Variants in CDH4 observed in about 807,000 individuals in gnomAD.
CDH4 encodes the protein cadherin 4, also known as cadherin-4.
Under a neutral mutation model 86.0 loss-of-function variants are expected in CDH4, and 33 were observed. That is an observed-to-expected ratio of 0.38 (90% confidence interval 0.29 to 0.51). The LOEUF is 0.51. Ranked by LOEUF, CDH4 falls within the 20% of genes least tolerant of loss-of-function variation. CDH4 has a pLI of 0.86. For missense variants in CDH4, 1,114 were observed against 1,307.4 expected, an observed-to-expected ratio of 0.85 and a Z score of 2.28; for synonymous variants, 555 against 549.4, an observed-to-expected ratio of 1.01 and a Z score of -0.14.
chr20:61,888,672 G>C (rs1000116168), intron 7 of CDH4, among the ~76,000 whole-genome samples: 1 of 152,242 alleles, frequency 6.6e-6, no homozygotes, highest in Non-Finnish European at 1.5e-5. Context: ...CAGCTCTGCT[G>C]TTTCCATGAT....
At chr20:61,882,505 C>T (rs947696242) in intron 7 of CDH4, among the ~76,000 whole-genome samples, 9 of 152,174 alleles carry the variant, frequency 5.9e-5, no homozygotes, top group African/African-American at 9.7e-5. Flanking sequence ...CCTCTGGTCA[C>T]GGGGCCTGCT....
At chr20:61,745,398 G>A (rs543139377) in intron 3 of CDH4, among the ~76,000 whole-genome samples, 10 of 152,254 alleles carry the variant, frequency 6.6e-5, no homozygotes, top group South Asian at 6.2e-4. Flanking sequence ...AGATGGAAGC[G>A]GAGATGGAAG....
chr20:61,457,067 A>AT (rs1413441568), intron 2 of CDH4, among the ~76,000 whole-genome samples: 1 of 152,180 alleles, frequency 6.6e-6, no homozygotes, highest in Non-Finnish European at 1.5e-5. Flanking sequence ...AAGAGAGCAA[A>AT]CCTGTGTTTA....
intron 2 of CDH4, among the ~76,000 whole-genome samples, chr20:61,394,418 G>A (rs2085004056): frequency 6.6e-6 from 1 of 152,184 alleles, no homozygotes; most frequent in African/African-American, 2.4e-5. Context: ...AAGAAAGTCG[G>A]TTGTTCCCAT....
intron 2 of CDH4, among the ~76,000 whole-genome samples, chr20:61,726,718 A>G (rs1600918359): frequency 6.6e-6 from 1 of 151,964 alleles, no homozygotes; most frequent in East Asian, 1.9e-4. Context: ...CATCATCACC[A>G]TCGCTGCCAT....
intron 4 of CDH4, among the ~76,000 whole-genome samples, chr20:61,838,836 A>AG (rs1568842686): frequency 8.3e-6 from 1 of 121,030 alleles, no homozygotes; most frequent in Non-Finnish European, 1.6e-5. Context: ...AAAAAAAAAA[A>AG]AAGAAAGAAA....
At chr20:61,738,151 G>A (rs531067830) in intron 2 of CDH4, 2 of 152,296 alleles carry the variant, frequency 1.3e-5, no homozygotes, top group African/African-American at 4.8e-5. Context: ...CTGGCTTTGG[G>A]GTCTGCAGCA....
chr20:61,636,339 G>A lies in CDH4; in HGVS notation c.170-107224G>A, dbSNP rs139759613. Among the ~76,000 whole-genome samples the A allele has an allele frequency of 4.6e-3, 703 of 152,344 alleles. 5 individuals are homozygous for A. The highest frequency in any genetic ancestry group is 0.016 in the African/African-American group (668 of 41,574). On this transcript the variant is annotated intron_variant, in intron 2 of 15. Transcript: ENST00000614565. The stretch of plus-strand genomic sequence containing the variant: ...AGAAAGTGGCTCCTATTTAATCTGG[G>A]AGAGTTTGGCTCCAATCATTAAAAA...
chr20:61,285,025 C>G (rs935175073), intron 2 of CDH4, among the ~76,000 whole-genome samples: 1 of 152,146 alleles, frequency 6.6e-6, no homozygotes, highest in Non-Finnish European at 1.5e-5. Flanking sequence ...TGCTGCTTCT[C>G]TACTTTATGC....
intron 6 of CDH4, among the ~76,000 whole-genome samples, chr20:61,865,193 C>A (rs977084809): frequency 1.3e-5 from 2 of 152,150 alleles, no homozygotes; most frequent in Non-Finnish European, 2.9e-5. Context: ...AGTGAGCTGA[C>A]TTCCTGGCTA....
At chr20:61,685,230 G>A (rs1293513769) in intron 2 of CDH4, among the ~76,000 whole-genome samples, 1 of 152,186 alleles carries the variant, frequency 6.6e-6, no homozygotes, top group East Asian at 1.9e-4. Flanking sequence ...GGTCTCCCAT[G>A]CGGTTTGGGT....
At chr20:61,444,299 TTGTG>T (rs1329101864) in intron 2 of CDH4, among the ~76,000 whole-genome samples, 1 of 870 alleles carries the variant, frequency 1.1e-3, no homozygotes, top group Non-Finnish European at 3.5e-3. Context: ...GTGGGTTTCT[TTGTG>T]TATGTATTTT....
chr20:61,748,322 G>C (rs1055963545), intron 3 of CDH4, among the ~76,000 whole-genome samples: 1 of 152,098 alleles, frequency 6.6e-6, no homozygotes, highest in African/African-American at 2.4e-5. Flanking sequence ...TAGTAGAGAT[G>C]GGGTTTCACC....
intron 2 of CDH4, among the ~76,000 whole-genome samples, chr20:61,555,394 G>A (rs953268851): frequency 6.6e-5 from 10 of 152,328 alleles, no homozygotes; most frequent in African/African-American, 1.9e-4. Context: ...GTAACTGGGT[G>A]GGACCCACCA....
At chr20:61,915,472 C>G (rs1024942484) in intron 9 of CDH4, among the ~76,000 whole-genome samples, 1 of 152,194 alleles carries the variant, frequency 6.6e-6, no homozygotes, top group Non-Finnish European at 1.5e-5. Context: ...AACTCTGACC[C>G]AGCTGACGGT....
chr20:61,640,639 G>A (rs1018799836), intron 2 of CDH4, among the ~76,000 whole-genome samples: 2 of 152,160 alleles, frequency 1.3e-5, no homozygotes, highest in Non-Finnish European at 2.9e-5. Context: ...GGGATGCTTC[G>A]AGACGGACTG....
chr20:61,438,259 C>A (rs2085296197), intron 2 of CDH4, among the ~76,000 whole-genome samples: 2 of 152,078 alleles, frequency 1.3e-5, no homozygotes, highest in South Asian at 4.1e-4. Flanking sequence ...AATTATACTA[C>A]CATAGAAATA....
chr20:61,640,492 G>C (rs777638631), intron 2 of CDH4, among the ~76,000 whole-genome samples: 1 of 152,194 alleles, frequency 6.6e-6, no homozygotes, highest in Non-Finnish European at 1.5e-5. Context: ...GGCTGCTGCT[G>C]TTCAGGGGGA....
intron 2 of CDH4, among the ~76,000 whole-genome samples, chr20:61,419,308 A>G (rs1225841533): frequency 1.3e-5 from 2 of 152,182 alleles, no homozygotes; most frequent in Non-Finnish European, 2.9e-5. Context: ...TCGTACCCCG[A>G]CAAATACATC....
Sources: allele counts gnomAD v4.1 joint callset (sites outside exome capture counted in the v4.1 genomes callset), GRCh38; gene constraint gnomAD v4.1.1; transcripts MANE v1.5; gene names NCBI Gene and HGNC (gene_info 2026-07-23, HGNC 2026-07-21).